The following MECOM variants were observed in gnomAD, a reference collection of about 807,000 sequenced individuals.
MECOM encodes histone-lysine N-methyltransferase MECOM.
In MECOM, 13 loss-of-function variants were observed where a neutral mutation model predicts 116.3. The ratio of observed to expected loss-of-function variants is 0.11; its 90% CI spans 0.07 to 0.18. The LOEUF (loss-of-function observed/expected upper bound fraction) is 0.18, where lower values mean the gene tolerates loss of function less well. Ranked by LOEUF, MECOM falls within the 10% of genes least tolerant of loss-of-function variation. The pLI is 1.00. For missense variants in MECOM, 1,299 were observed against 1,509.0 expected (o/e 0.86, Z 2.31); for synonymous variants, 528 against 535.2 (o/e 0.99, Z 0.19).
intron 2 of MECOM, among the ~76,000 whole-genome samples, chr3:169,241,937 T>A (rs1754867953): frequency 6.6e-6 from 1 of 152,204 alleles, no homozygotes; most frequent in African/African-American, 2.4e-5. Context: ...GTAAAAATCT[T>A]CTCCTAGAAT....
intron 2 of MECOM, among the ~76,000 whole-genome samples, chr3:169,288,578 T>C (rs1040053709): frequency 6.6e-6 from 1 of 152,192 alleles, no homozygotes; most frequent in African/African-American, 2.4e-5. Flanking sequence ...CATTTAATAG[T>C]AACAAGAAAA....
chr3:169,338,122 A>T lies in MECOM; in HGVS notation c.375+43065T>A, dbSNP rs148189161. 1.9e-3 allele frequency among the ~76,000 whole-genome samples: 288 copies of T among 152,242 alleles called. 2 individuals carry two copies. Among genetic ancestry groups the T allele is most frequent in the African/African-American group, 6.6e-3 (273 of 41,560 alleles). On this transcript the variant is annotated intron_variant, in intron 2 of 16. Transcript: ENST00000651503. Reference sequence around the variant, plus strand: ...CTTAGCTACACTGAACTACTTGATCATCTACAGCCTTATAGACTCCCTCAG... The same window carrying T: ...CTTAGCTACACTGAACTACTTGATCTTCTACAGCCTTATAGACTCCCTCAG...
At chr3:169,630,348 G>C (rs1166850426) in intron 1 of MECOM, among the ~76,000 whole-genome samples, 1 of 151,882 alleles carries the variant, frequency 6.6e-6, no homozygotes, top group East Asian at 1.9e-4. Flanking sequence ...GTTTGACAAG[G>C]GGCCCATGAG....
At chr3:169,435,695 A>G (rs1270471991) in intron 1 of MECOM, among the ~76,000 whole-genome samples, 1 of 152,160 alleles carries the variant, frequency 6.6e-6, no homozygotes, top group East Asian at 1.9e-4. Flanking sequence ...GAGGGCCAAA[A>G]CTAGTGTCTT....
At chr3:169,156,922 T>C (rs1006748445) in intron 2 of MECOM, among the ~76,000 whole-genome samples, 2 of 152,218 alleles carry the variant, frequency 1.3e-5, no homozygotes. Flanking sequence ...TCATGTGTTA[T>C]GCCTGCCCAT....
At position 169,538,929 on chromosome 3, in the gene MECOM, C is replaced by T. The variant is rs577313568; in HGVS notation, c.37+124407G>A. On this transcript the variant is annotated intron_variant, in intron 1 of 16. Transcript: ENST00000651503. The stretch of plus-strand genomic sequence containing the variant: ...GTACCTTCACTCCTCCTTTGAAAGT[C>T]CTATATATGTACTTATAACACAGAG... Among the ~76,000 whole-genome samples the T allele has an allele frequency of 2.6e-5, 4 of 152,002 alleles. No homozygotes were observed. In the South Asian group the frequency reaches 8.3e-4, roughly 32 times the overall value.
intron 2 of MECOM, among the ~76,000 whole-genome samples, chr3:169,299,339 G>A (rs59374771): frequency 0.06 from 9,198 of 152,124 alleles, 775 homozygotes; most frequent in African/African-American, 0.19. Flanking sequence ...GCACACCCAC[G>A]CCAGAGCTCC....
At chr3:169,597,963 C>G (rs1358987286) in intron 1 of MECOM, among the ~76,000 whole-genome samples, 1 of 152,134 alleles carries the variant, frequency 6.6e-6, no homozygotes. Context: ...GGCTGTAAAT[C>G]AAGTAAACAC....
At chr3:169,438,467 C>T (rs537367031) in intron 1 of MECOM, among the ~76,000 whole-genome samples, 3 of 152,310 alleles carry the variant, frequency 2.0e-5, no homozygotes, top group African/African-American at 7.2e-5. Context: ...GGTGTGCTAT[C>T]AATCGAGTTA....
intron 2 of MECOM, among the ~76,000 whole-genome samples, chr3:169,182,442 T>G (rs1366066478): frequency 6.6e-6 from 1 of 152,140 alleles, no homozygotes; most frequent in East Asian, 1.9e-4. Context: ...GACCACACTT[T>G]GAAAAAACAG....
intron 13 of MECOM, 140 bp from the exon 14 acceptor site, chr3:169,093,242 G>A (rs1720364025): frequency 2.3e-6 from 2 of 877,014 alleles, no homozygotes; most frequent in South Asian, 2.0e-5. Context: ...ACTTTAGAAA[G>A]TCAAAGTCTC....
chr3:169,214,147 A>G (rs567174221), intron 2 of MECOM, among the ~76,000 whole-genome samples: 1 of 152,196 alleles, frequency 6.6e-6, no homozygotes, highest in East Asian at 1.9e-4. Context: ...ATACAGCTAT[A>G]TTTGTTCCCC....
At chr3:169,538,004 A>G (rs1448332253) in intron 1 of MECOM, among the ~76,000 whole-genome samples, 1 of 152,188 alleles carries the variant, frequency 6.6e-6, no homozygotes, top group Non-Finnish European at 1.5e-5. Context: ...TTTTAAAAAA[A>G]TAATGATACC....
At chr3:169,391,640 A>C (rs1734209789) in intron 1 of MECOM, among the ~76,000 whole-genome samples, 1 of 152,228 alleles carries the variant, frequency 6.6e-6, no homozygotes, top group African/African-American at 2.4e-5. Flanking sequence ...ATATGAACAG[A>C]TGTGCTATGC....
chr3:169,180,173 A>G (rs1745754797), intron 2 of MECOM, among the ~76,000 whole-genome samples: 1 of 152,212 alleles, frequency 6.6e-6, no homozygotes, highest in Admixed American at 6.5e-5. Context: ...CTTAAAGTTC[A>G]GGCCCAATAT....
chr3:169,579,640 A>G (rs1249767100), intron 1 of MECOM, among the ~76,000 whole-genome samples: 2 of 152,222 alleles, frequency 1.3e-5, no homozygotes, highest in Non-Finnish European at 2.9e-5. Flanking sequence ...GTAAGGCATT[A>G]TAGTTAACCT....
rs1753057922 is a variant in MECOM, at chr3:169,228,902, T to C, written c.376-85070A>G. On this transcript the variant is annotated intron_variant, in intron 2 of 16. Coordinates refer to ENST00000651503, the MANE Select transcript of MECOM (RefSeq NM_004991.4). ...TTTAAATCCCAAATTGGGCCACTCT[T>C]GGAGCTCACTGTATGCACTGATATT... Among the ~76,000 whole-genome samples, 3 of 152,204 alleles carry C rather than the reference T, an allele frequency of 2.0e-5. No individual in the cohort carries two copies. In the South Asian group the frequency reaches 6.2e-4, roughly 32 times the overall value.
rs369444514 is a variant in MECOM, at chr3:169,219,208, TA to T, written c.376-75377del. Among the ~76,000 whole-genome samples, 1,365 of 151,914 alleles carry T rather than the reference TA, an allele frequency of 9.0e-3. 21 individuals are homozygous for T. The highest frequency in any genetic ancestry group is 0.031 in the African/African-American group (1,284 of 41,466). Reference sequence around the variant, plus strand: ...GAATATCAATCTATATTAGGTCCTTTAAAAAAAAATTTAATAGGCCAGGCGC... The same window carrying T: ...GAATATCAATCTATATTAGGTCCTTTAAAAAAAATTTAATAGGCCAGGCGC... On this transcript the variant is annotated intron_variant, in intron 2 of 16. Coordinates refer to ENST00000651503, the MANE Select transcript of MECOM (RefSeq NM_004991.4).
intron 1 of MECOM, among the ~76,000 whole-genome samples, chr3:169,496,748 T>C (rs115005883): frequency 0.016 from 2,488 of 152,358 alleles, 27 homozygotes; most frequent in Middle Eastern, 0.037. Flanking sequence ...AGATCCCAAG[T>C]TGACTTTTGC....
Sources: gnomAD v4.1 joint callset for allele counts (sites outside exome capture counted in the v4.1 genomes callset) on GRCh38, gnomAD v4.1.1 for gene constraint, MANE v1.5 for transcripts, NCBI Gene and HGNC (gene_info 2026-07-23, HGNC 2026-07-21) for gene names.